Variants in TRDN observed in about 807,000 individuals in gnomAD.
TRDN encodes triadin.
A neutral mutation model predicts 149.7 loss-of-function variants in TRDN; 161 were observed. The ratio of observed to expected loss-of-function variants is 1.08; its 90% CI spans 0.95 to 1.23. The LOEUF (loss-of-function observed/expected upper bound fraction) is 1.23, where lower values mean the gene tolerates loss of function less well. TRDN is among the 50% of genes most tolerant of loss of function. The probability of loss-of-function intolerance (pLI) is 0.00; values close to 1 mark genes in which losing one functional copy is unlikely to be tolerated. For synonymous variants in TRDN, 294 were observed against 250.5 expected (o/e 1.17, Z -1.64); for missense variants, 896 against 823.5 (o/e 1.09, Z -1.08).
At chr6:123,541,129 A>G (rs971064507) in intron 4 of TRDN, among the ~76,000 whole-genome samples, 1 of 152,144 alleles carries the variant, frequency 6.6e-6, no homozygotes, top group Admixed American at 6.6e-5. Context: ...TCTATTACTC[A>G]TCTTAGGTAC....
intron 12 of TRDN, among the ~76,000 whole-genome samples, chr6:123,432,534 A>G (rs1443579225): frequency 6.6e-6 from 1 of 152,068 alleles, no homozygotes; most frequent in Non-Finnish European, 1.5e-5. Flanking sequence ...CTGAGCATCA[A>G]TCTCCTACAT....
intron 4 of TRDN, among the ~76,000 whole-genome samples, chr6:123,537,290 T>C (rs1780598148): frequency 6.6e-6 from 1 of 152,196 alleles, no homozygotes; most frequent in Non-Finnish European, 1.5e-5. Context: ...TTCTATTTTG[T>C]CTTATAACAC....
Position 123,516,322 on chromosome 6 carries a change from A to T in TRDN, c.485-116T>A, listed in dbSNP as rs1041242965. 3 of 1,212,364 alleles carry T rather than the reference A, an allele frequency of 2.5e-6. No individual in the cohort carries two copies. In the African/African-American group the frequency reaches 4.6e-5, roughly 19 times the overall value. 75.1% of individuals were successfully genotyped at this position (1,212,364 alleles called of 1,614,324 possible). A position where few individuals can be genotyped will look rare whatever the true frequency, so the allele number is the denominator to read the frequency against. ...TTCTGTTTTTAGAAATCTTTCTTTAACTGGATTCAGATTTTATGTAGTTAG... is the reference window on the plus strand; with the variant it reads ...TTCTGTTTTTAGAAATCTTTCTTTATCTGGATTCAGATTTTATGTAGTTAG... On this transcript the variant is annotated intron_variant, in intron 5 of 40. Coordinates refer to ENST00000334268, the MANE Select transcript of TRDN (RefSeq NM_006073.4).
At chr6:123,424,596 A>G (rs1562306577) in intron 12 of TRDN, among the ~76,000 whole-genome samples, 2 of 152,286 alleles carry the variant, frequency 1.3e-5, no homozygotes, top group East Asian at 1.9e-4. Context: ...AATTGTGCAT[A>G]TACTTTTGAA....
chr6:123,613,747 A>G (rs1049552799), intron 1 of TRDN, among the ~76,000 whole-genome samples: 1 of 152,320 alleles, frequency 6.6e-6, no homozygotes, highest in East Asian at 1.9e-4. Context: ...AGTATCATTG[A>G]AAGGTGAAAA....
intron 8 of TRDN, among the ~76,000 whole-genome samples, chr6:123,497,516 T>G (rs1293388311): frequency 6.6e-6 from 1 of 152,166 alleles, no homozygotes; most frequent in Non-Finnish European, 1.5e-5. Context: ...GTGGTTGTTT[T>G]CAAAATAAAA....
In TRDN at chr6:123,499,717, A is replaced by AT. The variant is rs1204448159; in HGVS notation, c.794-2466_794-2465insA. ...AGATTCTGGCTCAAAAAAAAAAAAA[A>AT]AAATATATATATATATATATATATA... On this transcript the variant is annotated intron_variant, in intron 8 of 40. Transcript: ENST00000334268. Among the ~76,000 whole-genome samples, 66 of 55,716 alleles carry AT rather than the reference A, an allele frequency of 1.2e-3. 1 individual carries two copies. The highest frequency in any genetic ancestry group is 3.3e-3 in the African/African-American group (60 of 18,220). The allele number at this position is 55,716 out of a possible 152,430, so 36.6% of individuals were successfully genotyped here.
chr6:123,381,117 G>A (rs1209137982), intron 16 of TRDN, among the ~76,000 whole-genome samples: 1 of 152,000 alleles, frequency 6.6e-6, no homozygotes, highest in Non-Finnish European at 1.5e-5. Flanking sequence ...TTTTACTTTT[G>A]ATTACAAGCC....
At chr6:123,346,678 GA>G (rs1170420475) in intron 21 of TRDN, among the ~76,000 whole-genome samples, 1 of 151,932 alleles carries the variant, frequency 6.6e-6, no homozygotes, top group Non-Finnish European at 1.5e-5. Flanking sequence ...ATTATAAAAG[GA>G]GGACACAAGT....
chr6:123,257,410 C>T (rs989783992), intron 35 of TRDN, among the ~76,000 whole-genome samples: 3 of 152,172 alleles, frequency 2.0e-5, no homozygotes, highest in Non-Finnish European at 2.9e-5. Flanking sequence ...TCACTTTCCC[C>T]ATTGCTTGTT....
chr6:123,455,866 G>A (rs1044417789), intron 10 of TRDN, among the ~76,000 whole-genome samples: 1 of 151,768 alleles, frequency 6.6e-6, no homozygotes, highest in Admixed American at 6.6e-5. Context: ...TTATCTATAT[G>A]TTTTTCTACA....
intron 40 of TRDN, 73 bp downstream of exon 40, chr6:123,221,414 C>CT (rs1191859607): frequency 3.4e-5 from 39 of 1,161,764 alleles, no homozygotes; most frequent in Non-Finnish European, 2.4e-6. Context: ...TTAAGAGAGT[C>CT]TAACATTTTT....
Position 123,581,730 on chromosome 6 carries a change from A to T in TRDN, c.23-10598T>A, listed in dbSNP as rs536641063. ...AGAACTGCAAAGTTTTGCTGGTCCA[A>T]AGAAGGCTACAACAGTGGAGGAAAG... is the stretch of plus-strand genomic sequence containing the variant. On this transcript the variant is annotated intron_variant, in intron 1 of 40. Transcript: ENST00000334268. Among the ~76,000 whole-genome samples the T allele has an allele frequency of 5.9e-5, 9 of 152,344 alleles. No homozygotes were observed. The East Asian group carries it at 1.5e-3, about 26-fold the overall frequency.
At chr6:123,501,832 G>A (rs1214418758) in intron 8 of TRDN, 119 of 896,574 alleles carry the variant, frequency 1.3e-4, no homozygotes, top group Non-Finnish European at 1.6e-4. Context: ...AAGGGATATG[G>A]TAATATAATG....
At chr6:123,291,602 T>C (rs1778015347) in intron 24 of TRDN, among the ~76,000 whole-genome samples, 1 of 152,054 alleles carries the variant, frequency 6.6e-6, no homozygotes, top group Admixed American at 6.6e-5. Context: ...AAGTCAGAAA[T>C]TTCAAGCAAG....
intron 38 of TRDN, among the ~76,000 whole-genome samples, chr6:123,243,466 C>T (rs1293837075): frequency 6.6e-6 from 1 of 152,062 alleles, no homozygotes; most frequent in Non-Finnish European, 1.5e-5. Context: ...CAAAAACAAT[C>T]AAAATACTGA....
At chr6:123,511,832 T>C (rs1015274643) in intron 7 of TRDN, among the ~76,000 whole-genome samples, 1 of 152,016 alleles carries the variant, frequency 6.6e-6, no homozygotes, top group African/African-American at 2.4e-5. Context: ...TCTTCTCACG[T>C]TTTCAAGACA....
chr6:123,351,829 C>T (rs1196125216), intron 21 of TRDN: 7 of 964,564 alleles, frequency 7.3e-6, no homozygotes, highest in Middle Eastern at 5.3e-4. Flanking sequence ...AGAGCAATGA[C>T]ATGAGGGAAC....
intron 23 of TRDN, among the ~76,000 whole-genome samples, chr6:123,330,542 C>G (rs1933902): frequency 6.6e-6 from 1 of 151,934 alleles, no homozygotes; most frequent in Non-Finnish European, 1.5e-5. Flanking sequence ...AACTAACTCT[C>G]TCATAAAAGC....
Sources: allele counts gnomAD v4.1 joint callset (sites outside exome capture counted in the v4.1 genomes callset), GRCh38; gene constraint gnomAD v4.1.1; transcripts MANE v1.5; gene names NCBI Gene and HGNC (gene_info 2026-07-23, HGNC 2026-07-21).